ATP1B1: variants seen among roughly 807,000 people sequenced by gnomAD.
The protein encoded by ATP1B1 is ATPase Na+/K+ transporting subunit beta 1.
A neutral mutation model predicts 39.6 loss-of-function variants in ATP1B1; 3 were observed. The observed-to-expected ratio is 0.08, with a 90% CI of 0.03 to 0.20. The LOEUF (loss-of-function observed/expected upper bound fraction) is 0.20. ATP1B1 is among the 10% of genes least tolerant of loss of function. ATP1B1 has a pLI of 1.00. For synonymous variants in ATP1B1, 139 were observed against 135.0 expected, an observed-to-expected ratio of 1.03 and a Z score of -0.20; for missense variants, 216 against 371.1, an observed-to-expected ratio of 0.58 and a Z score of 3.43.
At chr1:169,110,820 A>G in intron 1 of ATP1B1, 1 of 546,852 alleles carries the variant, frequency 1.8e-6, no homozygotes, top group Non-Finnish European at 2.7e-6. Context: ...TAAAAAAAAC[A>G]GGAGGATATC....
Position 169,132,411 on chromosome 1 carries a change from C to T in ATP1B1, c.*856C>T. The T allele has an allele frequency of 2.2e-6, 1 of 445,462 alleles. No homozygotes were observed. Among genetic ancestry groups the T allele is most frequent in the Non-Finnish European group, 4.0e-6 (1 of 248,468 alleles). The allele number at this position is 445,462 out of a possible 1,614,324, so 27.6% of individuals were successfully genotyped here. A position where few individuals can be genotyped will look rare whatever the true frequency, so the allele number is the denominator to read the frequency against. ...TTTCTGGAGGCATCACATGCTGGTG[C>T]TGTGTCTTTATGAATGTTTTAACCA... On this transcript the variant is annotated 3_prime_UTR_variant, in exon 6 of 6. Coordinates refer to ENST00000367815, the MANE Select transcript of ATP1B1 (RefSeq NM_001677.4).
Position 169,131,193 on chromosome 1 carries a change from G to C in ATP1B1, c.649-99G>C. ...TGAGTAGATGTTCTTTCCTCTCTCA[G>C]TAGTTTGCAAACTACTGTGTAGATT... is the stretch of plus-strand genomic sequence containing the variant. On this transcript the variant is annotated intron_variant, in intron 5 of 5. Coordinates refer to ENST00000367815, the MANE Select transcript of ATP1B1 (RefSeq NM_001677.4). This position sits in a 1 kb window ranked among gnomAD's most constrained non-coding sequence, Gnocchi z 4.4. 6.9e-7 allele frequency: 1 copy of C among 1,439,630 alleles called. No individual in the cohort carries two copies. The highest frequency in any genetic ancestry group is 9.5e-7 in the Non-Finnish European group (1 of 1,054,008). 89.2% of individuals were successfully genotyped at this position (1,439,630 alleles called of 1,614,324 possible). A position where few individuals can be genotyped will look rare whatever the true frequency, so the allele number is the denominator to read the frequency against.
At chr1:169,122,985 C>T (rs928787350) in intron 2 of ATP1B1, among the ~76,000 whole-genome samples, 2 of 152,150 alleles carry the variant, frequency 1.3e-5, no homozygotes, top group Non-Finnish European at 2.9e-5. Flanking sequence ...CCCTTCCATT[C>T]CTCTAGGGAA....
At chr1:169,111,520 T>G (rs778042246) in intron 2 of ATP1B1, 22 bp downstream of exon 2, 1 of 1,609,906 alleles carries the variant, frequency 6.2e-7, no homozygotes, top group East Asian at 2.2e-5. Flanking sequence ...ATGAATAGCT[T>G]CATTTCCTTC....
At chr1:169,108,438 A>C (rs1009922686) in intron 1 of ATP1B1, among the ~76,000 whole-genome samples, 1 of 152,048 alleles carries the variant, frequency 6.6e-6, no homozygotes, top group Non-Finnish European at 1.5e-5. Context: ...TGGAAGGTGC[A>C]CTGCGGTATG....
chr1:169,127,660 C>G (rs1658115995), intron 4 of ATP1B1, among the ~76,000 whole-genome samples: 1 of 152,072 alleles, frequency 6.6e-6, no homozygotes, highest in Admixed American at 6.5e-5. Flanking sequence ...TGGCCCTTTT[C>G]TTAATACTCC....
chr1:169,118,255 A>G (rs1026689713), intron 2 of ATP1B1, among the ~76,000 whole-genome samples: 1 of 152,232 alleles, frequency 6.6e-6, no homozygotes, highest in African/African-American at 2.4e-5. Flanking sequence ...CATTTAGCTT[A>G]GACAGGAGGA....
Position 169,132,680 on chromosome 1 carries a change from C to T in ATP1B1, c.*1125C>T. The T allele has an allele frequency of 9.6e-7, 1 of 1,038,460 alleles. No individual in the cohort carries two copies. Among genetic ancestry groups the T allele is most frequent in the Non-Finnish European group, 1.4e-6 (1 of 691,544 alleles). The allele number at this position is 1,038,460 out of a possible 1,614,324, so 64.3% of individuals were successfully genotyped here. On this transcript the variant is annotated 3_prime_UTR_variant, in exon 6 of 6. Transcript: ENST00000367815. ...ACAGTGCTCTTGTTGATCTTGTATT[C>T]AGTCAGGTTAAAACAACGGACAATA...
At position 169,131,250 on chromosome 1, in the gene ATP1B1, A is replaced by G; in HGVS notation, c.649-42A>G. On this transcript the variant is annotated intron_variant, in intron 5 of 5. Transcript: ENST00000367815. This position sits in a 1 kb window ranked among gnomAD's most constrained non-coding sequence, Gnocchi z 4.4. ...TGTTTTTGAGTACACATAGTGATGC[A>G]TGATGTGAGCCATTAAAATTTCATT... 1 of 1,599,970 alleles carries G rather than the reference A, an allele frequency of 6.3e-7. No homozygotes were observed. The highest frequency in any genetic ancestry group is 8.5e-7 in the Non-Finnish European group (1 of 1,172,744).
At chr1:169,114,151 TTCAATGCCAAGGA>T (rs1657789330) in intron 2 of ATP1B1, among the ~76,000 whole-genome samples, 1 of 112,842 alleles carries the variant, frequency 8.9e-6, no homozygotes. Flanking sequence ...CTTGGCATTT[TTCAATGCCAAGGA>T]CCCTCCTTGG....
chr1:169,120,277 T>G (rs1657946938), intron 2 of ATP1B1, among the ~76,000 whole-genome samples: 1 of 152,166 alleles, frequency 6.6e-6, no homozygotes, highest in African/African-American at 2.4e-5. Context: ...GTGAGCTGAT[T>G]GCATGACCTA....
At position 169,127,520 on chromosome 1, in the gene ATP1B1, A is replaced by C. The variant is rs974148230; in HGVS notation, c.567+112A>C. On this transcript the variant is annotated intron_variant, in intron 4 of 5. Transcript: ENST00000367815. ...TAAAGTATACTCAGTGCTGACTTTG[A>C]AACGTAGCCAGTAGAGTAACACCAA... is the stretch of plus-strand genomic sequence containing the variant. 3 of 1,185,874 alleles carry C rather than the reference A, an allele frequency of 2.5e-6. 1 individual carries two copies. The South Asian group carries it at 4.9e-5, about 19-fold the overall frequency. The allele number at this position is 1,185,874 out of a possible 1,614,324, so 73.5% of individuals were successfully genotyped here.
intron 1 of ATP1B1, among the ~76,000 whole-genome samples, chr1:169,107,742 C>T (rs769149184): frequency 4.8e-4 from 72 of 151,336 alleles, no homozygotes; most frequent in Non-Finnish European, 6.9e-4. Context: ...TGTTTTCAGC[C>T]TCTCCGGAAA....
At chr1:169,115,496 G>A (rs747713828) in intron 2 of ATP1B1, among the ~76,000 whole-genome samples, 26 of 151,662 alleles carry the variant, frequency 1.7e-4, no homozygotes, top group Admixed American at 5.9e-4. Context: ...CTACAGGTGC[G>A]CGCCACCATG....
At chr1:169,122,088 C>A (rs1285828439) in intron 2 of ATP1B1, among the ~76,000 whole-genome samples, 1 of 152,214 alleles carries the variant, frequency 6.6e-6, no homozygotes, top group Non-Finnish European at 1.5e-5. Flanking sequence ...TCCCAAACAT[C>A]ACACAGAATA....
At chr1:169,128,505 G>A (rs2101793141) in intron 4 of ATP1B1, among the ~76,000 whole-genome samples, 1 of 152,298 alleles carries the variant, frequency 6.6e-6, no homozygotes, top group East Asian at 1.9e-4. Context: ...TGGTTGCCTG[G>A]CTGGCTAGTT....
chr1:169,121,246 C>T (rs1220740078), intron 2 of ATP1B1, among the ~76,000 whole-genome samples: 1 of 152,190 alleles, frequency 6.6e-6, no homozygotes, highest in African/African-American at 2.4e-5. Context: ...CATTCCCGGC[C>T]ATATTCCTAG....
At chr1:169,107,811 C>T (rs1329702018) in intron 1 of ATP1B1, 2 of 151,460 alleles carry the variant, frequency 1.3e-5, no homozygotes, top group African/African-American at 4.9e-5. Context: ...GTAGGCGAAT[C>T]TATGAGTCGT....
chr1:169,110,567 C>CTTTTTTTTTTTTTTTTTTTT (rs11423213), intron 1 of ATP1B1: 2 of 434,704 alleles, frequency 4.6e-6, no homozygotes, highest in Non-Finnish European at 6.6e-6. Flanking sequence ...TGTGTTGAGT[C>CTTTTTTTTTTTTTTTTTTTT]TTTTTTTTTT....
Sources: gnomAD v4.1 joint callset for allele counts (sites outside exome capture counted in the v4.1 genomes callset) on GRCh38, gnomAD v4.1.1 for gene constraint, Gnocchi (gnomAD v3.1) non-coding constraint, MANE v1.5 for transcripts, NCBI Gene and HGNC (gene_info 2026-07-23, HGNC 2026-07-21) for gene names.